Variants in MCM8 observed in about 807,000 individuals in gnomAD.
The protein encoded by MCM8 is DNA helicase MCM8.
MCM8 carries 85 observed loss-of-function variants against 98.9 expected under a neutral mutation model. That is an observed-to-expected ratio of 0.86 (90% CI 0.72 to 1.03). MCM8 has a LOEUF of 1.03. Ranked by LOEUF, MCM8 falls within the 50% of genes least tolerant of loss-of-function variation. The pLI, the probability that MCM8 is intolerant of heterozygous loss-of-function variation, is 0.00. For missense variants in MCM8, 951 were observed against 997.8 expected (o/e 0.95, Z 0.63); for synonymous variants, 352 against 338.6 (o/e 1.04, Z -0.44).
At position 5,994,647 on chromosome 20, in the gene MCM8, A is replaced by G. The variant is rs2089925595; in HGVS notation, c.*256A>G. On this transcript the variant is annotated 3_prime_UTR_variant, in exon 19 of 19. Coordinates refer to ENST00000610722, the MANE Select transcript of MCM8 (RefSeq NM_032485.6). ...AGATGCAGTAGCTCACACTGTAATC[A>G]CAGTGACTCAGGAGGCTGAGGTGAG... The G allele has an allele frequency of 2.0e-6, 1 of 492,598 alleles. No individual in the cohort carries two copies. The highest frequency in any genetic ancestry group is 2.9e-5 in the Admixed American group (1 of 34,882). 30.5% of individuals were successfully genotyped at this position (492,598 alleles called of 1,614,324 possible). A position where few individuals can be genotyped will look rare whatever the true frequency, so the allele number is the denominator to read the frequency against.
At chr20:5,990,030 T>C (rs1472687048) in intron 17 of MCM8, among the ~76,000 whole-genome samples, 1 of 152,102 alleles carries the variant, frequency 6.6e-6, no homozygotes, top group Non-Finnish European at 1.5e-5. Flanking sequence ...ACTTACCTTC[T>C]GTGTCTAAGT....
intron 5 of MCM8, among the ~76,000 whole-genome samples, chr20:5,955,476 C>T (rs112312944): frequency 0.024 from 3,685 of 152,284 alleles, 133 homozygotes; most frequent in African/African-American, 0.077. Flanking sequence ...AAATATTTAC[C>T]TCCAACTTAT....
At chr20:5,985,816 G>T in intron 15 of MCM8, 106 bp from the exon 16 acceptor site, 1 of 1,109,458 alleles carries the variant, frequency 9.0e-7, no homozygotes, top group Non-Finnish European at 1.3e-6. Flanking sequence ...AAAGCGCAGG[G>T]ATTACAGGCG....
chr20:5,965,367 G>A (rs1344813220), intron 8 of MCM8: 7 of 152,144 alleles, frequency 4.6e-5, no homozygotes, highest in Non-Finnish European at 7.3e-5. Flanking sequence ...ACGTTCCACT[G>A]TCTCTTCCAT....
chr20:5,952,066 C>T lies in MCM8; in HGVS notation c.51C>T (p.Ser17=). ...GATTTGGACGAGGAAGATTTCAAAG[C>T]TGGAAAAGGGGAAGAGGTGGTGGGA... ...GRGFGRGRFQ[S]WKRGRGGGNF... The change falls in exon 2 of 19, where the codon AGC becomes AGT. Residue 17 remains serine (S), a synonymous_variant. Coordinates refer to ENST00000610722, the MANE Select transcript of MCM8 (RefSeq NM_032485.6). 6.2e-7 allele frequency: 1 copy of T among 1,613,934 alleles called. No individual in the cohort carries two copies. Among genetic ancestry groups the T allele is most frequent in the Non-Finnish European group, 8.5e-7 (1 of 1,179,956 alleles).
intron 12 of MCM8, among the ~76,000 whole-genome samples, chr20:5,975,852 TG>T (rs2089500816): frequency 6.6e-6 from 1 of 151,988 alleles, no homozygotes; most frequent in Non-Finnish European, 1.5e-5. Context: ...ATGTGTCCAG[TG>T]GTATTGAAAG....
rs746555583 is a variant in MCM8, at chr20:5,977,929, C to T, written c.1449C>T (p.Thr483=). ...RGVYVCGNTT[T]TSGLTVTLSK... ...TGTATGTTTGTGGTAACACCACGACCACCTCTGGTCTGACGGTAACTCTTT... is the reference window on the plus strand; with the variant it reads ...TGTATGTTTGTGGTAACACCACGACTACCTCTGGTCTGACGGTAACTCTTT... The change falls in exon 13 of 19, where the codon ACC becomes ACT. Residue 483 remains threonine, a synonymous_variant. Transcript: ENST00000610722. 5.0e-6 allele frequency: 8 copies of T among 1,614,188 alleles called. No homozygotes were observed. In the South Asian group the frequency reaches 6.6e-5, roughly 13 times the overall value.
intron 14 of MCM8, 101 bp downstream of exon 14, chr20:5,983,266 T>G: frequency 1.9e-6 from 2 of 1,028,908 alleles, no homozygotes; most frequent in Non-Finnish European, 2.7e-6. Context: ...AACATGGATA[T>G]TTCACAGAAG....
intron 17 of MCM8, among the ~76,000 whole-genome samples, chr20:5,992,228 TACTA>T (rs1446787904): frequency 2.0e-5 from 3 of 152,150 alleles, no homozygotes; most frequent in African/African-American, 7.2e-5. Flanking sequence ...ATATGCCACT[TACTA>T]GTTGTGTAAC....
chr20:5,957,395 A>G lies in MCM8; in HGVS notation c.590+166A>G, dbSNP rs73600734. On this transcript the variant is annotated intron_variant, in intron 6 of 18. Coordinates refer to ENST00000610722, the MANE Select transcript of MCM8 (RefSeq NM_032485.6). ...AAATAAACTCATTGAAAATTATTCA[A>G]AGACATCATGACAGATACTTCCTAA... 7.1e-3 allele frequency among the ~76,000 whole-genome samples: 1,078 copies of G among 152,318 alleles called. 19 individuals are homozygous for G. Among genetic ancestry groups the G allele is most frequent in the African/African-American group, 0.025 (1,020 of 41,556 alleles).
Position 5,954,622 on chromosome 20 carries a change from T to G in MCM8, c.268T>G (p.Ser90Ala). ...TGTTGGATTAGTTTACAGCGATAGC[T>G]CTCCTTTGATTGAGAAGATTCAAGC... ...LYFSEVYSDS[S>A]PLIEKIQAFE... is the part of the protein sequence containing the mutation. Residue 90 changes from serine (S) to alanine (A), a missense_variant, in exon 4 of 19, where the codon TCT becomes GCT. Ser to Ala is a moderately conservative substitution (Grantham distance 99). Coordinates refer to ENST00000610722, the MANE Select transcript of MCM8 (RefSeq NM_032485.6). 6.2e-7 allele frequency: 1 copy of G among 1,607,214 alleles called. No homozygotes were observed. Among genetic ancestry groups the G allele is most frequent in the Non-Finnish European group, 8.5e-7 (1 of 1,174,104 alleles).
At chr20:5,972,821 G>A in intron 11 of MCM8, 1 of 1,411,592 alleles carries the variant, frequency 7.1e-7, no homozygotes. Context: ...TGCCTTGCAA[G>A]GTAGCTCTTA....
chr20:5,994,248 A>G (rs762192786), intron 18 of MCM8, 51 bp from the exon 19 acceptor site: 2 of 1,035,974 alleles, frequency 1.9e-6, no homozygotes, highest in African/African-American at 3.3e-5. Context: ...TTTAAAAGTA[A>G]TATTTTGACA....
At chr20:5,953,634 C>T (rs1385723887) in intron 3 of MCM8, among the ~76,000 whole-genome samples, 2 of 151,902 alleles carry the variant, frequency 1.3e-5, no homozygotes, top group Admixed American at 6.6e-5. Flanking sequence ...CCACCACGCC[C>T]GGCTAATTTT....
chr20:5,967,394 C>T, intron 8 of MCM8, 42 bp from the exon 9 acceptor site: 2 of 1,572,886 alleles, frequency 1.3e-6, no homozygotes, highest in Non-Finnish European at 1.7e-6. Context: ...CAGAAACCAT[C>T]CAAAGTAAGT....
rs538738456 is a variant in MCM8, at chr20:5,963,825, C to T, written c.875+466C>T. On this transcript the variant is annotated intron_variant, in intron 8 of 18. Coordinates refer to ENST00000610722, the MANE Select transcript of MCM8 (RefSeq NM_032485.6). ...TGCTGGGATTACAGGCGTGAGCCACCGCTCCTAGCCTAATTGTCTTTATTT... is the reference window on the plus strand; with the variant it reads ...TGCTGGGATTACAGGCGTGAGCCACTGCTCCTAGCCTAATTGTCTTTATTT... Among the ~76,000 whole-genome samples, 13 of 152,254 alleles carry T rather than the reference C, an allele frequency of 8.5e-5. No individual in the cohort carries two copies. In the East Asian group the frequency reaches 1.5e-3, roughly 18 times the overall value.
chr20:5,952,277 TAGTA>T (rs1472853162), intron 2 of MCM8, 114 bp downstream of exon 2: 5 of 1,560,790 alleles, frequency 3.2e-6, no homozygotes, highest in Non-Finnish European at 3.5e-6. Context: ...TGCTACTCCT[TAGTA>T]AGTATTTGAA....
At chr20:5,954,982 T>C in intron 4 of MCM8, 120 bp from the exon 5 acceptor site, 1 of 709,100 alleles carries the variant, frequency 1.4e-6, no homozygotes. Context: ...ACTTATGTCA[T>C]ACTTACCATT....
chr20:5,965,410 TTAACA>T (rs1212351190), intron 8 of MCM8: 2 of 152,214 alleles, frequency 1.3e-5, no homozygotes, highest in African/African-American at 4.8e-5. Context: ...ACCAGAATAA[TTAACA>T]TAAAACCTCC....
Sources: allele counts gnomAD v4.1 joint callset (sites outside exome capture counted in the v4.1 genomes callset), GRCh38; gene constraint gnomAD v4.1.1; transcripts MANE v1.5; gene names NCBI Gene and HGNC (gene_info 2026-07-23, HGNC 2026-07-21).